UROC1: variants seen among roughly 807,000 people sequenced by gnomAD.
UROC1 encodes the protein urocanate hydratase.
In UROC1, 79 loss-of-function variants were observed where a neutral mutation model predicts 89.5. The observed-to-expected ratio is 0.88, with a 90% CI of 0.74 to 1.06. The LOEUF (loss-of-function observed/expected upper bound fraction) is 1.06, where lower values mean the gene tolerates loss of function less well. Among genes scored for constraint, UROC1 ranks in the 50% least tolerant of loss-of-function variants. The probability of loss-of-function intolerance (pLI) is 0.00; values close to 1 mark genes in which losing one functional copy is unlikely to be tolerated. For missense variants in UROC1, 885 were observed against 907.8 expected (o/e 0.97, Z 0.32); for synonymous variants, 361 against 354.8 (o/e 1.02, Z -0.20).
intron 16 of UROC1, among the ~76,000 whole-genome samples, chr3:126,490,450 G>A (rs1040151899): frequency 7.2e-5 from 11 of 152,168 alleles, no homozygotes; most frequent in Non-Finnish European, 1.3e-4. Context: ...ACTTCGGGAG[G>A]CCAAGGCAGG....
At chr3:126,496,449 C>T (rs1398880832) in intron 14 of UROC1, among the ~76,000 whole-genome samples, 1 of 152,234 alleles carries the variant, frequency 6.6e-6, no homozygotes, top group East Asian at 1.9e-4. Flanking sequence ...GTGTTGAGGG[C>T]TCCCCAGGAT....
intron 6 of UROC1, among the ~76,000 whole-genome samples, chr3:126,506,871 G>C (rs896577388): frequency 6.6e-6 from 1 of 152,058 alleles, no homozygotes; most frequent in African/African-American, 2.4e-5. Flanking sequence ...TGAGGTCAGC[G>C]GTTCGAGACC....
intron 16 of UROC1, among the ~76,000 whole-genome samples, chr3:126,489,701 G>A (rs1312956310): frequency 3.9e-5 from 6 of 152,182 alleles, no homozygotes; most frequent in East Asian, 1.9e-4. Flanking sequence ...ATCACAGAGC[G>A]AGTGAGTCGT....
intron 1 of UROC1, among the ~76,000 whole-genome samples, chr3:126,515,015 G>T (rs371087691): frequency 6.6e-6 from 1 of 151,990 alleles, no homozygotes; most frequent in Non-Finnish European, 1.5e-5. Context: ...GGAGCCGCCC[G>T]TAGCCCTCAG....
chr3:126,490,575 G>T (rs746082978), intron 16 of UROC1, among the ~76,000 whole-genome samples: 1 of 152,036 alleles, frequency 6.6e-6, no homozygotes, highest in South Asian at 2.1e-4. Context: ...ATCACAGCTC[G>T]TCGGGGAGCT....
chr3:126,499,029 A>G (rs1171205901), intron 13 of UROC1, among the ~76,000 whole-genome samples: 1 of 151,986 alleles, frequency 6.6e-6, no homozygotes, highest in Non-Finnish European at 1.5e-5. Context: ...GGGCCTGTGA[A>G]GACATATTAT....
rs1458365810 is a variant in UROC1, at chr3:126,500,033, C to T, written c.1243+24G>A. 2.5e-6 allele frequency: 4 copies of T among 1,607,066 alleles called. No homozygotes were observed. In the Admixed American group the frequency reaches 6.7e-5, roughly 27 times the overall value. On this transcript the variant is annotated intron_variant, in intron 12 of 19. Coordinates refer to ENST00000290868, the MANE Select transcript of UROC1 (RefSeq NM_144639.3). The stretch of plus-strand genomic sequence containing the variant: ...GGCCCAGGGTGGTGGCCCCTCCCTC[C>T]TCCTCCCTCCTCCTTCCTCCTACCT...
At chr3:126,509,411 C>G (rs558135092) in intron 3 of UROC1, among the ~76,000 whole-genome samples, 174 bp downstream of exon 3, 1 of 152,136 alleles carries the variant, frequency 6.6e-6, no homozygotes, top group Non-Finnish European at 1.5e-5. Context: ...ACTATAGACA[C>G]GGATGCAAAC....
rs908457152 is a variant in UROC1 at position 126,481,897 on chromosome 3, C to G, written c.*448G>C. 1.4e-4 allele frequency: 34 copies of G among 235,208 alleles called. No individual in the cohort carries two copies. The highest frequency in any genetic ancestry group is 2.4e-4 in the Non-Finnish European group (28 of 117,188). The allele number at this position is 235,208 out of a possible 1,614,324, so 14.6% of individuals were successfully genotyped here. ...TTCCTGGTCTATCCTCCTTCCCGAA[C>G]TCCTCCAGGCCAGCAGCCCAGGGTG... On this transcript the variant is annotated 3_prime_UTR_variant, in exon 20 of 20. Transcript: ENST00000290868.
chr3:126,517,272 G>A (rs981964302), intron 1 of UROC1, among the ~76,000 whole-genome samples: 17 of 152,182 alleles, frequency 1.1e-4, no homozygotes, highest in Non-Finnish European at 2.1e-4. Context: ...GGGTGGACGC[G>A]GCGCTTGGTG....
chr3:126,505,634 A>G, intron 8 of UROC1, 67 bp downstream of exon 8: 2 of 1,553,174 alleles, frequency 1.3e-6, no homozygotes, highest in South Asian at 2.3e-5. Flanking sequence ...ATCCGGGAGG[A>G]AGAAGGGAGG....
intron 17 of UROC1, 22 bp downstream of exon 17, chr3:126,489,254 A>G (rs202069528): frequency 6.4e-7 from 1 of 1,573,544 alleles, no homozygotes; most frequent in East Asian, 2.2e-5. Context: ...ATGAAAGTTT[A>G]AGACATTCTC....
In UROC1 at chr3:126,504,058, C is replaced by G; in HGVS notation, c.839G>C (p.Arg280Pro). 6.2e-7 allele frequency: 1 copy of G among 1,614,016 alleles called. No individual in the cohort carries two copies. Among genetic ancestry groups the G allele is most frequent in the Non-Finnish European group, 8.5e-7 (1 of 1,180,028 alleles). The change falls in exon 9 of 20, where the codon CGC (arginine) becomes CCC (proline). Residue 280 changes from arginine to proline, a missense_variant. Transcript: ENST00000290868. ...AEVDKAALEK[R>P]HRQGWLMEVT... ...TTCCATCAGCCAGCCCTGCCTGTGG[C>G]GTTTCTCAAGGGCTGCTTTATCCAC...
intron 18 of UROC1, among the ~76,000 whole-genome samples, chr3:126,486,799 G>A (rs1029575215): frequency 6.6e-6 from 1 of 152,244 alleles, no homozygotes; most frequent in Non-Finnish European, 1.5e-5. Context: ...CATCCCTTTC[G>A]AGTAGCCACG....
intron 6 of UROC1, among the ~76,000 whole-genome samples, chr3:126,507,370 A>C (rs1021803679): frequency 2.8e-5 from 4 of 143,460 alleles, no homozygotes; most frequent in East Asian, 2.1e-4. Context: ...AAAAAAAAAA[A>C]CAAGTTGAAT....
chr3:126,506,871 G>A lies in UROC1; in HGVS notation c.603-860C>T, dbSNP rs896577388. On this transcript the variant is annotated intron_variant, in intron 6 of 19. Transcript: ENST00000290868. ...GGTGGGCGGATCAACTGAGGTCAGCGGTTCGAGACCAGCCTGGCCAACATG... is the reference window on the plus strand; with the variant it reads ...GGTGGGCGGATCAACTGAGGTCAGCAGTTCGAGACCAGCCTGGCCAACATG... Among the ~76,000 whole-genome samples, 10 of 152,176 alleles carry A rather than the reference G, an allele frequency of 6.6e-5. 1 individual carries two copies. Among genetic ancestry groups the A allele is most frequent in the South Asian group, 4.1e-4 (2 of 4,820 alleles).
chr3:126,492,601 T>C, intron 15 of UROC1, 85 bp from the exon 16 acceptor site: 1 of 1,082,242 alleles, frequency 9.2e-7, no homozygotes. Context: ...GGGTGGCACT[T>C]CCACTGTGGG....
chr3:126,514,189 C>T (rs1217145540), intron 1 of UROC1, among the ~76,000 whole-genome samples: 4 of 152,242 alleles, frequency 2.6e-5, no homozygotes, highest in Non-Finnish European at 5.9e-5. Flanking sequence ...GCTGCTGTCA[C>T]TGGAGACCTG....
At chr3:126,501,188 G>C in intron 10 of UROC1, 30 bp downstream of exon 10, 1 of 1,612,240 alleles carries the variant, frequency 6.2e-7, no homozygotes, top group Non-Finnish European at 8.5e-7. Context: ...GGGTTCCCAA[G>C]CTGGCCATCA....
Sources: allele counts gnomAD v4.1 joint callset (sites outside exome capture counted in the v4.1 genomes callset), GRCh38; gene constraint gnomAD v4.1.1; transcripts MANE v1.5; gene names NCBI Gene and HGNC (gene_info 2026-07-23, HGNC 2026-07-21).